MAGI2: variants seen among roughly 807,000 people sequenced by gnomAD.
MAGI2 encodes membrane-associated guanylate kinase, WW and PDZ domain-containing protein 2.
A neutral mutation model predicts 133.3 loss-of-function variants in MAGI2; 35 were observed. The ratio of observed to expected loss-of-function variants is 0.26; its 90% CI spans 0.20 to 0.35. The LOEUF (loss-of-function observed/expected upper bound fraction) is 0.35. Among genes scored for constraint, MAGI2 ranks in the 10% least tolerant of loss-of-function variants. The probability of loss-of-function intolerance (pLI) is 1.00; values close to 1 mark genes in which losing one functional copy is unlikely to be tolerated. For synonymous variants in MAGI2, 729 were observed against 710.6 expected (o/e 1.03, Z -0.41); for missense variants, 1,636 against 1,863.4 (o/e 0.88, Z 2.25).
chr7:78,834,859 T>A (rs1390396772), intron 2 of MAGI2, among the ~76,000 whole-genome samples: 1 of 152,112 alleles, frequency 6.6e-6, no homozygotes, highest in Non-Finnish European at 1.5e-5. Flanking sequence ...TGTGTAAAAC[T>A]GTGTAGCACC....
At chr7:78,276,646 G>A (rs201716578) in intron 9 of MAGI2, among the ~76,000 whole-genome samples, 29,650 of 133,912 alleles carry the variant, frequency 0.22, 3,314 homozygotes, top group South Asian at 0.35. Flanking sequence ...TAACAGTCGA[G>A]TGAATATAGG....
chr7:78,624,002 T>C (rs1012954831), intron 3 of MAGI2, among the ~76,000 whole-genome samples: 3 of 152,112 alleles, frequency 2.0e-5, no homozygotes, highest in Admixed American at 2.0e-4. Context: ...CTGTTGTTTT[T>C]TGACATTCCA....
intron 6 of MAGI2, among the ~76,000 whole-genome samples, chr7:78,457,335 T>A (rs1010075956): frequency 1.7e-4 from 26 of 152,318 alleles, no homozygotes; most frequent in African/African-American, 5.5e-4. Flanking sequence ...GCTTTGGGAA[T>A]TCTTTTGGAG....
chr7:78,903,123 A>C (rs1797728351), intron 2 of MAGI2, among the ~76,000 whole-genome samples: 1 of 144,418 alleles, frequency 6.9e-6, no homozygotes, highest in Non-Finnish European at 1.5e-5. Flanking sequence ...ATGTGAACAC[A>C]TTGCTAGGGC....
intron 2 of MAGI2, among the ~76,000 whole-genome samples, chr7:78,921,168 T>C (rs1019284457): frequency 1.3e-5 from 2 of 152,074 alleles, no homozygotes; most frequent in African/African-American, 2.4e-5. Context: ...CTCCACTCTC[T>C]CTCTGGGGAA....
At chr7:78,515,312 TC>T (rs1473729807) in intron 4 of MAGI2, among the ~76,000 whole-genome samples, 1 of 152,206 alleles carries the variant, frequency 6.6e-6, no homozygotes, top group Non-Finnish European at 1.5e-5. Flanking sequence ...GCTGGCTAAT[TC>T]TCATCTCTAA....
At chr7:79,103,038 T>C (rs1023265924) in intron 1 of MAGI2, among the ~76,000 whole-genome samples, 2 of 152,184 alleles carry the variant, frequency 1.3e-5, no homozygotes, top group African/African-American at 4.8e-5. Flanking sequence ...TCCTGCCACA[T>C]AGACATCAGG....
intron 1 of MAGI2, among the ~76,000 whole-genome samples, chr7:79,441,865 C>T (rs776042075): frequency 2.0e-5 from 3 of 151,514 alleles, no homozygotes; most frequent in South Asian, 2.1e-4. Flanking sequence ...TGCAATATAC[C>T]GTATATTCAT....
At chr7:78,851,830 C>T (rs1430287483) in intron 2 of MAGI2, among the ~76,000 whole-genome samples, 1 of 152,082 alleles carries the variant, frequency 6.6e-6, no homozygotes, top group Non-Finnish European at 1.5e-5. Flanking sequence ...TTTGCCTTTG[C>T]AAACAGTGCA....
chr7:79,110,490 G>T (rs1025840856), intron 1 of MAGI2, among the ~76,000 whole-genome samples: 1 of 152,194 alleles, frequency 6.6e-6, no homozygotes, highest in African/African-American at 2.4e-5. Flanking sequence ...CATTCTTTTG[G>T]CTGATTTCTC....
intron 21 of MAGI2, chr7:78,025,965 GAAAATGTTCCA>G (rs1476445901): frequency 6.6e-6 from 1 of 152,448 alleles, no homozygotes; most frequent in Admixed American, 6.5e-5. Flanking sequence ...CAACATGCCA[GAAAATGTTCCA>G]ATGAACCCAC....
At chr7:78,853,332 C>CTTTTTTT (rs60580466) in intron 2 of MAGI2, among the ~76,000 whole-genome samples, 286 of 25,084 alleles carry the variant, frequency 0.011, 102 homozygotes, top group Non-Finnish European at 0.015. Context: ...TCCATTCGTT[C>CTTTTTTT]TTTTTTTTTT....
chr7:78,593,265 G>A (rs1267807942), intron 3 of MAGI2, among the ~76,000 whole-genome samples: 8 of 151,944 alleles, frequency 5.3e-5, no homozygotes, highest in African/African-American at 1.2e-4. Context: ...GGTGGCGGGC[G>A]CCTGTAGTCC....
intron 3 of MAGI2, among the ~76,000 whole-genome samples, chr7:78,599,792 C>T (rs1804994031): frequency 6.6e-6 from 1 of 152,156 alleles, no homozygotes; most frequent in African/African-American, 2.4e-5. Context: ...TAGGGACGTG[C>T]CCAGAATGGT....
chr7:78,516,655 G>A (rs763165590), intron 4 of MAGI2, among the ~76,000 whole-genome samples: 17 of 152,110 alleles, frequency 1.1e-4, no homozygotes, highest in Non-Finnish European at 2.4e-4. Context: ...GCCCTGCCAT[G>A]ACCTAGTTTT....
chr7:79,235,259 C>T (rs571853785), intron 1 of MAGI2, among the ~76,000 whole-genome samples: 7 of 152,278 alleles, frequency 4.6e-5, no homozygotes, highest in Admixed American at 4.6e-4. Context: ...TTGTCTGTGC[C>T]CTGCCCACAG....
chr7:79,110,592 AAGGAACTCATTTCAGTTGAG>A (rs1240312592), intron 1 of MAGI2, among the ~76,000 whole-genome samples: 1 of 152,198 alleles, frequency 6.6e-6, no homozygotes, highest in East Asian at 1.9e-4. Flanking sequence ...TCATAGGTGA[AAGGAACTCATTTCAGTTGAG>A]ATTTTGGAAT....
intron 1 of MAGI2, among the ~76,000 whole-genome samples, chr7:79,086,406 T>C (rs1015585568): frequency 2.0e-5 from 3 of 151,870 alleles, no homozygotes; most frequent in Non-Finnish European, 4.4e-5. Context: ...TATTCAAGCA[T>C]ATCATGCAGA....
intron 18 of MAGI2, among the ~76,000 whole-genome samples, chr7:78,128,970 C>T (rs1821272217): frequency 6.6e-6 from 1 of 152,192 alleles, no homozygotes; most frequent in Non-Finnish European, 1.5e-5. Context: ...AGGAATTAAA[C>T]TGGGTGACAT....
Sources: gnomAD v4.1 joint callset for allele counts (sites outside exome capture counted in the v4.1 genomes callset) on GRCh38, gnomAD v4.1.1 for gene constraint, MANE v1.5 for transcripts, NCBI Gene and HGNC (gene_info 2026-07-23, HGNC 2026-07-21) for gene names.